KTN1: variants seen among roughly 807,000 people sequenced by gnomAD.
KTN1 encodes kinectin.
In KTN1, 130 loss-of-function variants were observed where a neutral mutation model predicts 222.5. The observed-to-expected ratio is 0.58, with a 90% CI of 0.51 to 0.68. KTN1 has a LOEUF of 0.68. KTN1 is among the 30% of genes least tolerant of loss of function. KTN1 has a pLI of 0.00. For synonymous variants in KTN1, 512 were observed against 496.3 expected (o/e 1.03, Z -0.42); for missense variants, 1,508 against 1,500.4 (o/e 1.01, Z -0.08).
chr14:55,658,549 G>C lies in KTN1; in HGVS notation c.2896G>C (p.Val966Leu). Residue 966 changes from valine (V) to leucine (L), a missense_variant, in exon 30 of 44, where the codon GTA becomes CTA. Coordinates refer to ENST00000395314, the MANE Select transcript of KTN1 (RefSeq NM_001079521.2). ...TGTTTAATTTTTATTTAATTAGGAT[G>C]TACAAGATGAAAACAAATTGTTTAA... ...LSSKTQLLQD[V>L]QDENKLFKSQ... 6.4e-7 allele frequency: 1 copy of C among 1,561,236 alleles called. No individual in the cohort carries two copies. The highest frequency in any genetic ancestry group is 1.1e-5 in the South Asian group (1 of 88,888).
chr14:55,632,882 T>G, intron 7 of KTN1, among the ~76,000 whole-genome samples: 1 of 152,194 alleles, frequency 6.6e-6, no homozygotes, highest in Admixed American at 6.5e-5. Flanking sequence ...TAATGTATAA[T>G]TGACATAAGA....
At chr14:55,655,078 T>C (rs1030935736) in intron 28 of KTN1, among the ~76,000 whole-genome samples, 17 of 152,070 alleles carry the variant, frequency 1.1e-4, no homozygotes, top group African/African-American at 4.1e-4. Flanking sequence ...AGCCAGGACA[T>C]CCTGGGCTCA....
chr14:55,637,149 T>G, intron 10 of KTN1, 49 bp from the exon 11 acceptor site: 1 of 1,391,208 alleles, frequency 7.2e-7, no homozygotes, highest in Non-Finnish European at 9.8e-7. Flanking sequence ...TGAGTATGAG[T>G]AACTAGGCAA....
At chr14:55,640,301 G>A in intron 14 of KTN1, 73 bp from the exon 15 acceptor site, 1 of 1,051,886 alleles carries the variant, frequency 9.5e-7, no homozygotes, top group East Asian at 2.5e-5. Flanking sequence ...TAACTCTTTT[G>A]TAGAAAAGAT....
intron 1 of KTN1, among the ~76,000 whole-genome samples, chr14:55,605,061 G>A (rs1278156172): frequency 6.6e-6 from 1 of 152,070 alleles, no homozygotes; most frequent in African/African-American, 2.4e-5. Flanking sequence ...TTGTCAAGGG[G>A]TTTCCTCATT....
intron 1 of KTN1, among the ~76,000 whole-genome samples, chr14:55,599,580 T>G (rs570541777): frequency 1.2e-4 from 18 of 152,258 alleles, no homozygotes; most frequent in African/African-American, 4.3e-4. Flanking sequence ...TTCAAAGCGA[T>G]TCTCCTGCCT....
chr14:55,629,739 T>G lies in KTN1; in HGVS notation c.1081-218T>G, dbSNP rs1349324651. Among the ~76,000 whole-genome samples the G allele has an allele frequency of 2.0e-5, 3 of 152,206 alleles. No homozygotes were observed. In the East Asian group the frequency reaches 5.8e-4, roughly 29 times the overall value. The stretch of plus-strand genomic sequence containing the variant: ...CATTTGAATTAAGAGTAAACAACAG[T>G]GGCAAAGTGTTTATGAAGGGAATTG... On this transcript the variant is annotated intron_variant, in intron 6 of 43. Transcript: ENST00000395314.
At chr14:55,642,700 C>T (rs1228124044) in intron 18 of KTN1, among the ~76,000 whole-genome samples, 1 of 152,156 alleles carries the variant, frequency 6.6e-6, no homozygotes, top group Non-Finnish European at 1.5e-5. Context: ...AGATATTGAG[C>T]TGGTGTAAGT....
chr14:55,617,178 C>T (rs1333670107), intron 3 of KTN1, among the ~76,000 whole-genome samples: 2 of 151,970 alleles, frequency 1.3e-5, no homozygotes, highest in African/African-American at 4.8e-5. Flanking sequence ...AAAATTATGA[C>T]ATATCAATTA....
chr14:55,672,019 G>T, intron 37 of KTN1, 142 bp downstream of exon 37: 2 of 619,404 alleles, frequency 3.2e-6, no homozygotes, highest in South Asian at 4.1e-5. Flanking sequence ...AGCAGTCTGT[G>T]TTTTCATGAG....
intron 6 of KTN1, among the ~76,000 whole-genome samples, chr14:55,629,682 A>G (rs1566748395): frequency 2.0e-5 from 3 of 152,244 alleles, no homozygotes; most frequent in Admixed American, 6.5e-5. Context: ...TTCTAGGTTC[A>G]TAGTCTTTAA....
chr14:55,611,668 A>G (rs2037599416), intron 1 of KTN1, among the ~76,000 whole-genome samples: 1 of 152,200 alleles, frequency 6.6e-6, no homozygotes, highest in African/African-American at 2.4e-5. Context: ...TCAACACTGT[A>G]CAATAAACAA....
At chr14:55,598,505 T>TA (rs71131298) in intron 1 of KTN1, among the ~76,000 whole-genome samples, 34,316 of 148,104 alleles carry the variant, frequency 0.23, 4,208 homozygotes, top group East Asian at 0.36. Context: ...TACTGTTCAT[T>TA]AAAAAAAAAA....
chr14:55,618,502 CCT>C (rs1041697134), intron 4 of KTN1, among the ~76,000 whole-genome samples: 18 of 152,150 alleles, frequency 1.2e-4, no homozygotes, highest in Middle Eastern at 3.4e-3. Context: ...CCACATATCC[CCT>C]GTTTCCACAT....
intron 1 of KTN1, among the ~76,000 whole-genome samples, chr14:55,581,679 A>G (rs913744010): frequency 4.6e-5 from 7 of 152,140 alleles, no homozygotes; most frequent in Non-Finnish European, 1.0e-4. Flanking sequence ...ATTAGGTTGC[A>G]TTTGTTTTCC....
chr14:55,613,771 G>A (rs527679381), intron 2 of KTN1, among the ~76,000 whole-genome samples: 1 of 152,048 alleles, frequency 6.6e-6, no homozygotes, highest in Non-Finnish European at 1.5e-5. Context: ...GCTTGACCCG[G>A]TTGTATTGGA....
At chr14:55,650,225 A>C (rs2042801622) in intron 22 of KTN1, 103 bp from the exon 23 acceptor site, 1 of 745,080 alleles carries the variant, frequency 1.3e-6, no homozygotes, top group Admixed American at 2.6e-5. Flanking sequence ...TTAAAATGGG[A>C]AAGGGTTGAT....
intron 28 of KTN1, 152 bp from the exon 29 acceptor site, chr14:55,655,890 C>A: frequency 2.1e-6 from 1 of 483,420 alleles, no homozygotes; most frequent in South Asian, 5.2e-5. Flanking sequence ...CTAGAAATAT[C>A]TTTTTAAACA....
intron 31 of KTN1, 124 bp from the exon 32 acceptor site, chr14:55,661,398 G>A: frequency 3.5e-6 from 2 of 576,202 alleles, no homozygotes; most frequent in Non-Finnish European, 3.1e-6. Context: ...ACTCTTTAAT[G>A]TACTTTTCAA....
Sources: allele counts gnomAD v4.1 joint callset (sites outside exome capture counted in the v4.1 genomes callset), GRCh38; gene constraint gnomAD v4.1.1; transcripts MANE v1.5; gene names NCBI Gene and HGNC (gene_info 2026-07-23, HGNC 2026-07-21).